Variants in GPC5 observed in about 807,000 individuals in gnomAD.
GPC5 encodes the protein glypican-5.
A neutral mutation model predicts 53.9 loss-of-function variants in GPC5; 47 were observed. The ratio of observed to expected loss-of-function variants is 0.87; its 90% confidence interval spans 0.69 to 1.11. The LOEUF (loss-of-function observed/expected upper bound fraction) is 1.11. GPC5 is among the 50% of genes most tolerant of loss of function. GPC5 has a pLI of 0.00. For missense variants in GPC5, 748 were observed against 713.1 expected, an observed-to-expected ratio of 1.05 and a Z score of -0.56; for synonymous variants, 286 against 263.3, an observed-to-expected ratio of 1.09 and a Z score of -0.84.
At chr13:92,204,039 G>T (rs1197374501) in intron 7 of GPC5, among the ~76,000 whole-genome samples, 1 of 152,092 alleles carries the variant, frequency 6.6e-6, no homozygotes, top group South Asian at 2.1e-4. Context: ...TAATCTTAAA[G>T]CTCATGTTAT....
chr13:91,568,783 C>A (rs1401778849), intron 2 of GPC5, among the ~76,000 whole-genome samples: 1 of 146,744 alleles, frequency 6.8e-6, no homozygotes, highest in East Asian at 2.0e-4. Flanking sequence ...CAGAAGGAGT[C>A]TCTCTCTGTC....
intron 7 of GPC5, among the ~76,000 whole-genome samples, chr13:92,536,389 T>C (rs988401564): frequency 6.6e-6 from 1 of 152,138 alleles, no homozygotes; most frequent in Admixed American, 6.6e-5. Context: ...GGGAAATAGA[T>C]TTGAACAAGG....
intron 6 of GPC5, among the ~76,000 whole-genome samples, chr13:91,935,586 G>A (rs2039862782): frequency 6.6e-6 from 1 of 151,906 alleles, no homozygotes; most frequent in Non-Finnish European, 1.5e-5. Flanking sequence ...AGATTTTGTG[G>A]ATTTTGTTAT....
intron 2 of GPC5, among the ~76,000 whole-genome samples, chr13:91,632,792 T>C (rs1331213630): frequency 1.3e-5 from 2 of 152,184 alleles, no homozygotes; most frequent in African/African-American, 4.8e-5. Flanking sequence ...CTGAGGATCC[T>C]GACACAGGGC....
chr13:92,270,085 C>T (rs138961117), intron 7 of GPC5, among the ~76,000 whole-genome samples: 213 of 152,252 alleles, frequency 1.4e-3, no homozygotes, highest in African/African-American at 4.8e-3. Flanking sequence ...GAGGCTCCCA[C>T]ATGTCCTCAG....
chr13:92,798,832 A>G (rs1876799125), intron 7 of GPC5, among the ~76,000 whole-genome samples: 1 of 151,888 alleles, frequency 6.6e-6, no homozygotes, highest in Non-Finnish European at 1.5e-5. Flanking sequence ...ACGTGAATTT[A>G]ATTATGAACA....
At chr13:91,841,707 A>G (rs2038789998) in intron 5 of GPC5, among the ~76,000 whole-genome samples, 1 of 152,146 alleles carries the variant, frequency 6.6e-6, no homozygotes, top group Non-Finnish European at 1.5e-5. Context: ...AAAAAGGAAG[A>G]AAGGAAAAAT....
intron 6 of GPC5, among the ~76,000 whole-genome samples, chr13:91,937,298 G>C (rs1411528557): frequency 6.6e-6 from 1 of 151,938 alleles, no homozygotes. Context: ...TGTTTGATGA[G>C]AGAGAAAAAG....
At chr13:92,036,508 G>T (rs143127263) in intron 6 of GPC5, among the ~76,000 whole-genome samples, 16 of 152,264 alleles carry the variant, frequency 1.1e-4, no homozygotes, top group Non-Finnish European at 2.1e-4. Context: ...AACAGAAGTT[G>T]ATTTCAAGCT....
At chr13:92,700,574 T>C (rs1887701535) in intron 7 of GPC5, among the ~76,000 whole-genome samples, 1 of 151,772 alleles carries the variant, frequency 6.6e-6, no homozygotes, top group South Asian at 2.1e-4. Context: ...TTTTAACAAA[T>C]AAATACTGGA....
At chr13:92,741,421 C>T (rs1402810778) in intron 7 of GPC5, among the ~76,000 whole-genome samples, 4 of 151,874 alleles carry the variant, frequency 2.6e-5, no homozygotes, top group Admixed American at 2.6e-4. Flanking sequence ...AGGAGGCTTT[C>T]ATAAGATGTG....
chr13:91,642,312 A>G (rs2034449295), intron 2 of GPC5, among the ~76,000 whole-genome samples: 2 of 152,194 alleles, frequency 1.3e-5, no homozygotes, highest in South Asian at 2.1e-4. Flanking sequence ...TAATAAAGTC[A>G]TTGGGAGAAG....
At chr13:92,459,391 T>A (rs751560601) in intron 7 of GPC5, among the ~76,000 whole-genome samples, 2 of 152,200 alleles carry the variant, frequency 1.3e-5, no homozygotes, top group Non-Finnish European at 2.9e-5. Context: ...ATGATTACAC[T>A]CTGATTATGA....
At chr13:92,699,178 T>C (rs982071778) in intron 7 of GPC5, among the ~76,000 whole-genome samples, 1 of 152,226 alleles carries the variant, frequency 6.6e-6, no homozygotes, top group South Asian at 2.1e-4. Flanking sequence ...GTCCAGGAAC[T>C]TATCCATTTC....
chr13:92,010,475 C>A (rs1206565640), intron 6 of GPC5, among the ~76,000 whole-genome samples: 1 of 152,172 alleles, frequency 6.6e-6, no homozygotes, highest in East Asian at 1.9e-4. Flanking sequence ...GATTTTGCAA[C>A]TGCACACATG....
At chr13:91,823,559 A>G (rs1417415437) in intron 5 of GPC5, among the ~76,000 whole-genome samples, 1 of 152,078 alleles carries the variant, frequency 6.6e-6, no homozygotes. Flanking sequence ...TGCGAAAAGA[A>G]CTAGTTTCTT....
intron 6 of GPC5, among the ~76,000 whole-genome samples, chr13:91,925,036 G>A (rs1163103069): frequency 6.6e-6 from 1 of 151,952 alleles, no homozygotes; most frequent in African/African-American, 2.4e-5. Context: ...AACCAGGATG[G>A]TCTCGATCTC....
intron 7 of GPC5, among the ~76,000 whole-genome samples, chr13:92,161,923 ATAAT>A (rs1402440433): frequency 3.4e-5 from 5 of 144,990 alleles, no homozygotes; most frequent in African/African-American, 7.5e-5. Flanking sequence ...AAGAATATAA[ATAAT>A]TATATTTGCC....
intron 7 of GPC5, among the ~76,000 whole-genome samples, chr13:92,558,877 C>T (rs532122138): frequency 3.7e-4 from 57 of 152,096 alleles, no homozygotes; most frequent in African/African-American, 1.3e-3. Flanking sequence ...CTTAGAGCTC[C>T]TTGTGATCCT....
Sources: gnomAD v4.1 joint callset for allele counts (sites outside exome capture counted in the v4.1 genomes callset) on GRCh38, gnomAD v4.1.1 for gene constraint, MANE v1.5 for transcripts, NCBI Gene and HGNC (gene_info 2026-07-23, HGNC 2026-07-21) for gene names.